The following PDZRN3 variants were observed in gnomAD, a reference collection of about 807,000 sequenced individuals.
PDZRN3 encodes the protein E3 ubiquitin-protein ligase PDZRN3.
In PDZRN3, 38 loss-of-function variants were observed where a neutral mutation model predicts 85.7. The observed-to-expected ratio is 0.44, with a 90% CI of 0.34 to 0.58. The LOEUF is 0.58. Ranked by LOEUF, PDZRN3 falls within the 20% of genes least tolerant of loss-of-function variation. The pLI is 0.01. For synonymous variants in PDZRN3, 759 were observed against 638.0 expected (o/e 1.19, Z -2.86); for missense variants, 1,629 against 1,506.4 (o/e 1.08, Z -1.35).
At chr3:73,433,996 G>C in intron 3 of PDZRN3, 1 of 1,264,176 alleles carries the variant, frequency 7.9e-7, no homozygotes, top group Non-Finnish European at 1.0e-6. Context: ...TCTGGCAGCT[G>C]GATTGTGGTC....
chr3:73,592,275 C>G (rs1320835725), intron 3 of PDZRN3, among the ~76,000 whole-genome samples: 1 of 152,142 alleles, frequency 6.6e-6, no homozygotes, highest in Non-Finnish European at 1.5e-5. Context: ...ATTAGACTGT[C>G]AATTTTGCTC....
At chr3:73,459,025 G>T (rs986465253) in intron 3 of PDZRN3, among the ~76,000 whole-genome samples, 9 of 150,936 alleles carry the variant, frequency 6.0e-5, no homozygotes, top group African/African-American at 2.2e-4. Flanking sequence ...AAAGAAAAAA[G>T]AAAAGAGGTT....
chr3:73,398,110 ATAT>A (rs1029505240), intron 5 of PDZRN3, among the ~76,000 whole-genome samples: 1 of 152,178 alleles, frequency 6.6e-6, no homozygotes, highest in Admixed American at 6.5e-5. Context: ...CTAGCTTAAA[ATAT>A]TAATACCAGA....
chr3:73,497,822 C>T (rs1021055472), intron 3 of PDZRN3, among the ~76,000 whole-genome samples: 1 of 149,238 alleles, frequency 6.7e-6, no homozygotes, highest in South Asian at 2.1e-4. Flanking sequence ...CCCCCGCCAA[C>T]AGCTCAGCGC....
At chr3:73,402,173 C>T (rs181516140) in intron 4 of PDZRN3, among the ~76,000 whole-genome samples, 93 of 152,320 alleles carry the variant, frequency 6.1e-4, no homozygotes, top group African/African-American at 2.1e-3. Context: ...TTTCTCAAGT[C>T]GCCCCCAGGG....
chr3:73,614,491 G>A (rs995310387), intron 1 of PDZRN3, among the ~76,000 whole-genome samples: 2 of 152,170 alleles, frequency 1.3e-5, no homozygotes, highest in Non-Finnish European at 2.9e-5. Context: ...TGTCTGTTGT[G>A]GGACTCACAG....
At chr3:73,540,436 G>A (rs369234889) in intron 3 of PDZRN3, among the ~76,000 whole-genome samples, 2 of 152,080 alleles carry the variant, frequency 1.3e-5, no homozygotes, top group Admixed American at 6.6e-5. Flanking sequence ...TGACTGTTAC[G>A]GTTTGGCTGT....
At chr3:73,582,817 T>G (rs1420694458) in intron 3 of PDZRN3, among the ~76,000 whole-genome samples, 1 of 152,110 alleles carries the variant, frequency 6.6e-6, no homozygotes, top group Admixed American at 6.5e-5. Context: ...GTGGGGACAA[T>G]GAAATGAAAT....
In PDZRN3 at chr3:73,469,360, C is replaced by T. The variant is rs899341264; in HGVS notation, c.919-64965G>A. On this transcript the variant is annotated intron_variant, in intron 3 of 9. Coordinates refer to ENST00000263666, the MANE Select transcript of PDZRN3 (RefSeq NM_015009.3). ...TGCTGGGATTACAGGCGTGAGCCAC[C>T]ACTCCCGGTCATGATTCATCTCTTT... Among the ~76,000 whole-genome samples the T allele has an allele frequency of 1.6e-4, 24 of 152,300 alleles. No individual in the cohort carries two copies. The South Asian group carries it at 3.5e-3, about 22-fold the overall frequency.
chr3:73,466,667 C>T (rs895216031), intron 3 of PDZRN3, among the ~76,000 whole-genome samples: 2 of 152,142 alleles, frequency 1.3e-5, no homozygotes, highest in Non-Finnish European at 2.9e-5. Context: ...TCCCTTAACA[C>T]GCAGAAACTC....
chr3:73,601,771 T>C (rs995589425), intron 3 of PDZRN3, among the ~76,000 whole-genome samples: 8 of 152,274 alleles, frequency 5.3e-5, no homozygotes, highest in Admixed American at 4.6e-4. Context: ...GTATAAAAGT[T>C]TGAAATGATG....
rs931501524 is a variant in PDZRN3, at chr3:73,624,024, C to T, written c.723+79G>A. On this transcript the variant is annotated intron_variant, in intron 1 of 9. Coordinates refer to ENST00000263666, the MANE Select transcript of PDZRN3 (RefSeq NM_015009.3). ...TGTTCCCGGGAAGCTCGGGGCATCC[C>T]TGTACCCAAAGGGATGGGGCGGGGC... 4 of 1,316,980 alleles carry T rather than the reference C, an allele frequency of 3.0e-6. No individual in the cohort carries two copies. In the African/African-American group the frequency reaches 6.2e-5, roughly 21 times the overall value. The allele number at this position is 1,316,980 out of a possible 1,614,324, so 81.6% of individuals were successfully genotyped here.
Position 73,624,472 on chromosome 3 carries a change from G to A in PDZRN3, c.354C>T (p.Gly118=). 1.4e-6 allele frequency: 2 copies of A among 1,392,308 alleles called. No individual in the cohort carries two copies. The highest frequency in any genetic ancestry group is 3.6e-5 in the Admixed American group (1 of 27,984). The allele number at this position is 1,392,308 out of a possible 1,614,324, so 86.2% of individuals were successfully genotyped here. A position where few individuals can be genotyped will look rare whatever the true frequency, so the allele number is the denominator to read the frequency against. ...APARCRHAGC[G]QVLLRRDVEA... ...CCACGTCGCGCCGCAGCAGCACCTG[G>A]CCGCAACCCGCGTGGCGACAGCGCG... is the stretch of plus-strand genomic sequence containing the variant. Residue 118 remains glycine (G), a synonymous_variant, in exon 1 of 10, where the codon GGC becomes GGT. Coordinates refer to ENST00000263666, the MANE Select transcript of PDZRN3 (RefSeq NM_015009.3).
intron 4 of PDZRN3, chr3:73,402,400 A>G (rs1264592952): frequency 6.6e-6 from 1 of 152,260 alleles, no homozygotes; most frequent in East Asian, 1.9e-4. Context: ...ATGGGTCACT[A>G]CAGGGTACTG....
At chr3:73,442,566 A>T (rs950296127) in intron 3 of PDZRN3, among the ~76,000 whole-genome samples, 2 of 152,176 alleles carry the variant, frequency 1.3e-5, no homozygotes, top group African/African-American at 4.8e-5. Context: ...CTCGAGGGAG[A>T]TGTGATGGCA....
At chr3:73,435,380 T>C (rs1032226278) in intron 3 of PDZRN3, among the ~76,000 whole-genome samples, 1 of 152,142 alleles carries the variant, frequency 6.6e-6, no homozygotes, top group South Asian at 2.1e-4. Context: ...AAGCCACAGA[T>C]GGGGCGGGGC....
At chr3:73,471,938 C>T (rs1559697182) in intron 3 of PDZRN3, among the ~76,000 whole-genome samples, 1 of 152,198 alleles carries the variant, frequency 6.6e-6, no homozygotes, top group Non-Finnish European at 1.5e-5. Context: ...AATGTTCACA[C>T]TCACCTGAAA....
chr3:73,499,990 G>A (rs1191690932), intron 3 of PDZRN3, among the ~76,000 whole-genome samples: 1 of 151,996 alleles, frequency 6.6e-6, no homozygotes, highest in African/African-American at 2.4e-5. Flanking sequence ...TTAGTGTTGA[G>A]GATTTCTTTC....
At chr3:73,608,546 T>C (rs910701001) in intron 2 of PDZRN3, 52 bp downstream of exon 2, 29 of 1,256,028 alleles carry the variant, frequency 2.3e-5, no homozygotes, top group Non-Finnish European at 2.9e-5. Flanking sequence ...CCTTGACCTC[T>C]CTTTCCAGCT....
Sources: gnomAD v4.1 joint callset for allele counts (sites outside exome capture counted in the v4.1 genomes callset) on GRCh38, gnomAD v4.1.1 for gene constraint, MANE v1.5 for transcripts, NCBI Gene and HGNC (gene_info 2026-07-23, HGNC 2026-07-21) for gene names.